The following TMCC1 variants were observed in gnomAD, a reference collection of about 807,000 sequenced individuals.
TMCC1 encodes transmembrane and coiled-coil domains protein 1.
Under a neutral mutation model 52.4 loss-of-function variants are expected in TMCC1, and 15 were observed. The ratio of observed to expected loss-of-function variants is 0.29; its 90% CI spans 0.19 to 0.44. The LOEUF is 0.44. Among genes scored for constraint, TMCC1 ranks in the 20% least tolerant of loss-of-function variants. The pLI, the probability that TMCC1 is intolerant of heterozygous loss-of-function variation, is 1.00. For synonymous variants in TMCC1, 279 were observed against 301.9 expected (o/e 0.92, Z 0.79); for missense variants, 503 against 806.0 (o/e 0.62, Z 4.55).
At position 129,650,778 on chromosome 3, in the gene TMCC1, A is replaced by G. The variant is rs2086278682; in HGVS notation, c.*703T>C. ...TAAAAAAACCTTAAAAGTGCGGCCA[A>G]GGGATTTTGCTTAAAATTAAGTATT... On this transcript the variant is annotated 3_prime_UTR_variant, in exon 7 of 7. Coordinates refer to ENST00000393238, the MANE Select transcript of TMCC1 (RefSeq NM_001017395.5). 1.3e-5 allele frequency: 2 copies of G among 152,744 alleles called. No homozygotes were observed. The highest frequency in any genetic ancestry group is 1.3e-4 in the Admixed American group (2 of 15,294). The allele number at this position is 152,744 out of a possible 1,614,324, so 9.5% of individuals were successfully genotyped here. A position where few individuals can be genotyped will look rare whatever the true frequency, so the allele number is the denominator to read the frequency against.
intron 4 of TMCC1, among the ~76,000 whole-genome samples, chr3:129,706,547 G>A (rs140420802): frequency 2.1e-3 from 321 of 152,172 alleles, no homozygotes; most frequent in Middle Eastern, 0.01. Context: ...ACAATAAAGT[G>A]ACTCACTCCA....
chr3:129,790,933 G>A (rs77290943), intron 4 of TMCC1, among the ~76,000 whole-genome samples: 22 of 152,176 alleles, frequency 1.4e-4, no homozygotes, highest in African/African-American at 4.8e-4. Flanking sequence ...TGACTGCTAA[G>A]TTCAAACTCT....
chr3:129,685,728 T>C (rs1356401451), intron 4 of TMCC1, among the ~76,000 whole-genome samples: 1 of 152,206 alleles, frequency 6.6e-6, no homozygotes, highest in Non-Finnish European at 1.5e-5. Flanking sequence ...CAGTACGATC[T>C]CCTTTGGGAT....
intron 2 of TMCC1, among the ~76,000 whole-genome samples, chr3:129,838,022 TC>T (rs1467558026): frequency 6.6e-6 from 1 of 152,004 alleles, no homozygotes; most frequent in African/African-American, 2.4e-5. Context: ...GTGGCAGAAG[TC>T]CAGAAGAAGA....
At chr3:129,723,412 T>TA (rs1488213028) in intron 4 of TMCC1, among the ~76,000 whole-genome samples, 9 of 148,474 alleles carry the variant, frequency 6.1e-5, no homozygotes, top group South Asian at 2.1e-4. Context: ...TTTTTTTTTT[T>TA]TAATTTAATA....
chr3:129,673,725 C>T (rs1477853089), intron 4 of TMCC1, among the ~76,000 whole-genome samples: 1 of 152,028 alleles, frequency 6.6e-6, no homozygotes, highest in African/African-American at 2.4e-5. Flanking sequence ...GTGGCACATG[C>T]CTGGAGTCCC....
intron 4 of TMCC1, among the ~76,000 whole-genome samples, chr3:129,694,393 G>A (rs774008502): frequency 1.3e-5 from 2 of 152,236 alleles, no homozygotes; most frequent in African/African-American, 2.4e-5. Context: ...CAAACCTAAT[G>A]AGACTGTCAG....
chr3:129,766,237 T>A (rs1474634781), intron 4 of TMCC1, among the ~76,000 whole-genome samples: 2 of 152,156 alleles, frequency 1.3e-5, no homozygotes, highest in Admixed American at 1.3e-4. Flanking sequence ...AATTGTTTAG[T>A]AGGCCTGAGA....
At chr3:129,827,077 G>T (rs1174759612) in intron 4 of TMCC1, among the ~76,000 whole-genome samples, 2 of 152,148 alleles carry the variant, frequency 1.3e-5, no homozygotes, top group Non-Finnish European at 2.9e-5. Flanking sequence ...AAACAAAGCA[G>T]GAACTCCTCA....
chr3:129,855,341 T>C (rs75999026), intron 2 of TMCC1, among the ~76,000 whole-genome samples: 2,561 of 152,332 alleles, frequency 0.017, 29 homozygotes, highest in Non-Finnish European at 0.028. Context: ...TAATACTTCA[T>C]GTCAAGTCCC....
chr3:129,888,679 C>T (rs1203063421), intron 1 of TMCC1, among the ~76,000 whole-genome samples: 2 of 152,216 alleles, frequency 1.3e-5, no homozygotes, highest in South Asian at 2.1e-4. Flanking sequence ...AGATACACCA[C>T]CCTTAAGGAG....
At chr3:129,727,800 C>A (rs908111428) in intron 4 of TMCC1, among the ~76,000 whole-genome samples, 2 of 152,182 alleles carry the variant, frequency 1.3e-5, no homozygotes, top group Admixed American at 1.3e-4. Flanking sequence ...TGACTTTGGG[C>A]TTGGTGACTA....
At chr3:129,861,778 C>T (rs753471755) in intron 2 of TMCC1, among the ~76,000 whole-genome samples, 42 of 152,146 alleles carry the variant, frequency 2.8e-4, no homozygotes, top group Non-Finnish European at 5.3e-4. Context: ...TAAAATGGCC[C>T]AAGCAGTTTG....
At chr3:129,700,883 C>T (rs1480042763) in intron 4 of TMCC1, among the ~76,000 whole-genome samples, 1 of 152,156 alleles carries the variant, frequency 6.6e-6, no homozygotes, top group Non-Finnish European at 1.5e-5. Context: ...TATTCGGAAG[C>T]AAATCCTTGA....
rs372144310 is a variant in TMCC1 at position 129,843,350 on chromosome 3, A to T, written c.-183-10524T>A. Among the ~76,000 whole-genome samples the T allele has an allele frequency of 9.2e-5, 14 of 152,290 alleles. No individual in the cohort carries two copies. In the South Asian group the frequency reaches 2.9e-3, roughly 32 times the overall value. ...AGACACAGCAAGACACCGTCTCAAA[A>T]AAAAAAGAAGGAAAAAATAATAAAA... is the stretch of plus-strand genomic sequence containing the variant. On this transcript the variant is annotated intron_variant, in intron 2 of 6. Coordinates refer to ENST00000393238, the MANE Select transcript of TMCC1 (RefSeq NM_001017395.5).
At chr3:129,711,914 A>C (rs1213140680) in intron 4 of TMCC1, among the ~76,000 whole-genome samples, 2 of 146,790 alleles carry the variant, frequency 1.4e-5, no homozygotes, top group Non-Finnish European at 3.0e-5. Context: ...AGGCAGGAGA[A>C]TCGCTTGAAT....
At chr3:129,755,421 G>A (rs1489065711) in intron 4 of TMCC1, among the ~76,000 whole-genome samples, 1 of 152,156 alleles carries the variant, frequency 6.6e-6, no homozygotes, top group Non-Finnish European at 1.5e-5. Flanking sequence ...TGATTTGTAA[G>A]AGAAAGGAGA....
chr3:129,716,011 C>T (rs1224265381), intron 4 of TMCC1, among the ~76,000 whole-genome samples: 1 of 152,282 alleles, frequency 6.6e-6, no homozygotes, highest in East Asian at 1.9e-4. Context: ...CTGCTACCTC[C>T]CCTTCACCAG....
chr3:129,845,626 T>C (rs2059629671), intron 2 of TMCC1, among the ~76,000 whole-genome samples: 1 of 152,114 alleles, frequency 6.6e-6, no homozygotes, highest in East Asian at 1.9e-4. Context: ...AGAGGCCCCA[T>C]GAAACTGAAA....
Sources: gnomAD v4.1 joint callset for allele counts (sites outside exome capture counted in the v4.1 genomes callset) on GRCh38, gnomAD v4.1.1 for gene constraint, MANE v1.5 for transcripts, NCBI Gene and HGNC (gene_info 2026-07-23, HGNC 2026-07-21) for gene names.